Variants in TMEM65 observed in about 807,000 individuals in gnomAD.
TMEM65 encodes transmembrane protein 65.
Under a neutral mutation model 25.4 loss-of-function variants are expected in TMEM65, and 22 were observed. The observed-to-expected ratio is 0.86, with a 90% CI of 0.62 to 1.23. TMEM65 has a LOEUF of 1.23. Among genes scored for constraint, TMEM65 ranks in the 50% most tolerant of loss-of-function variants. The probability of loss-of-function intolerance (pLI) is 0.00; values close to 1 mark genes in which losing one functional copy is unlikely to be tolerated. For missense variants in TMEM65, 262 were observed against 308.2 expected, an observed-to-expected ratio of 0.85 and a Z score of 1.12; for synonymous variants, 132 against 126.2, an observed-to-expected ratio of 1.05 and a Z score of -0.31.
intron 3 of TMEM65, among the ~76,000 whole-genome samples, chr8:124,323,691 A>C (rs1371470816): frequency 2.6e-5 from 4 of 152,074 alleles, no homozygotes; most frequent in Non-Finnish European, 5.9e-5. Context: ...AATGCTTTAA[A>C]GCTCTTTGAA....
intron 3 of TMEM65, among the ~76,000 whole-genome samples, chr8:124,326,629 A>G (rs1814368904): frequency 6.6e-6 from 1 of 152,084 alleles, no homozygotes; most frequent in Non-Finnish European, 1.5e-5. Context: ...GCTGTAGCTA[A>G]CACTTGGTAT....
At chr8:124,350,437 A>T (rs1013477807) in intron 1 of TMEM65, among the ~76,000 whole-genome samples, 7 of 147,770 alleles carry the variant, frequency 4.7e-5, no homozygotes, top group African/African-American at 1.5e-4. Flanking sequence ...CTCTTTCATA[A>T]CATACCCCTA....
chr8:124,324,729 T>C (rs2131199451), intron 3 of TMEM65, among the ~76,000 whole-genome samples: 1 of 152,196 alleles, frequency 6.6e-6, no homozygotes, highest in African/African-American at 2.4e-5. Context: ...CTGAAGGTCC[T>C]TCTAACAGCA....
chr8:124,327,248 C>A, intron 3 of TMEM65, 106 bp downstream of exon 3: 1 of 718,046 alleles, frequency 1.4e-6, no homozygotes, highest in South Asian at 1.8e-5. Flanking sequence ...TATCCTTGTT[C>A]ATTATGATAT....
intron 1 of TMEM65, among the ~76,000 whole-genome samples, chr8:124,354,643 A>G (rs1038728679): frequency 6.6e-6 from 1 of 152,168 alleles, no homozygotes; most frequent in African/African-American, 2.4e-5. Flanking sequence ...AGACAACACA[A>G]AAGTGTCATC....
intron 1 of TMEM65, among the ~76,000 whole-genome samples, chr8:124,371,402 A>C (rs986759462): frequency 1.2e-4 from 18 of 152,286 alleles, no homozygotes; most frequent in African/African-American, 4.3e-4. Context: ...CCGTTCAAAA[A>C]GTTTCTTCCT....
At chr8:124,354,400 T>C (rs1425934247) in intron 1 of TMEM65, among the ~76,000 whole-genome samples, 1 of 152,192 alleles carries the variant, frequency 6.6e-6, no homozygotes, top group African/African-American at 2.4e-5. Flanking sequence ...TGTTCTTGTT[T>C]ATAGGAAATC....
At chr8:124,323,283 T>C (rs369619365) in intron 4 of TMEM65, 38 bp downstream of exon 4, 17 of 1,144,024 alleles carry the variant, frequency 1.5e-5, no homozygotes, top group Admixed American at 6.6e-5. Context: ...GTTTTATAAG[T>C]GTACAATGAA....
chr8:124,319,573 C>T (rs1814280551), intron 6 of TMEM65, among the ~76,000 whole-genome samples: 1 of 151,908 alleles, frequency 6.6e-6, no homozygotes, highest in Non-Finnish European at 1.5e-5. Context: ...ATGCTTGGAA[C>T]TCCTCTTATT....
At chr8:124,322,489 C>T (rs1586457250) in intron 4 of TMEM65, among the ~76,000 whole-genome samples, 1 of 152,124 alleles carries the variant, frequency 6.6e-6, no homozygotes, top group East Asian at 1.9e-4. Context: ...TCAAGAAAGT[C>T]AAGGAGAAAA....
chr8:124,333,324 T>A (rs888103791), intron 1 of TMEM65, among the ~76,000 whole-genome samples: 2 of 152,096 alleles, frequency 1.3e-5, no homozygotes, highest in South Asian at 2.1e-4. Flanking sequence ...TATTTCCATA[T>A]ATATATATTT....
intron 1 of TMEM65, among the ~76,000 whole-genome samples, chr8:124,334,481 TG>T (rs1254163680): frequency 6.6e-6 from 1 of 151,994 alleles, no homozygotes; most frequent in African/African-American, 2.4e-5. Flanking sequence ...TAAAATTAGC[TG>T]GGGCTGGGCA....
Position 124,311,616 on chromosome 8 carries a change from T to C in TMEM65, c.*2344A>G, listed in dbSNP as rs1814162062. On this transcript the variant is annotated 3_prime_UTR_variant, in exon 7 of 7. Coordinates refer to ENST00000297632, the MANE Select transcript of TMEM65 (RefSeq NM_194291.3). ...AGTAGCTAATATGAGAAACAAACAG[T>C]TCCAGTTTCAACCTAAATTAAAGTT... The C allele has an allele frequency of 6.6e-6, 1 of 152,424 alleles. No homozygotes were observed. Among genetic ancestry groups the C allele is most frequent in the Non-Finnish European group, 1.5e-5 (1 of 67,996 alleles). The allele number at this position is 152,424 out of a possible 1,614,324, so 9.4% of individuals were successfully genotyped here. A position where few individuals can be genotyped will look rare whatever the true frequency, so the allele number is the denominator to read the frequency against.
At position 124,307,564 on chromosome 8, in the gene TMEM65, T is replaced by G. The variant is rs1480300889; in HGVS notation, c.*6396A>C. On this transcript the variant is annotated 3_prime_UTR_variant, in exon 7 of 7. Transcript: ENST00000297632. ...ATTAAAAATGCAACTTTTATGTGGG[T>G]GCAGTATTGCTACAAGAAAGACGTA... 2 of 152,112 alleles carry G rather than the reference T, an allele frequency of 1.3e-5. No individual in the cohort carries two copies. Among genetic ancestry groups the G allele is most frequent in the Non-Finnish European group, 2.9e-5 (2 of 68,030 alleles). 9.4% of individuals were successfully genotyped at this position (152,112 alleles called of 1,614,324 possible).
chr8:124,330,008 T>A (rs1043760849), intron 2 of TMEM65, among the ~76,000 whole-genome samples: 6 of 151,956 alleles, frequency 3.9e-5, no homozygotes, highest in South Asian at 2.1e-4. Flanking sequence ...TAGGTTTTTT[T>A]AAAAATTATA....
chr8:124,352,161 A>C (rs1454913524), intron 1 of TMEM65, among the ~76,000 whole-genome samples: 1 of 152,198 alleles, frequency 6.6e-6, no homozygotes, highest in Non-Finnish European at 1.5e-5. Context: ...AGCTAGCAGC[A>C]AAGTTTGTAC....
At chr8:124,361,593 G>T (rs556056034) in intron 1 of TMEM65, among the ~76,000 whole-genome samples, 162 of 152,080 alleles carry the variant, frequency 1.1e-3, no homozygotes, top group African/African-American at 3.7e-3. Flanking sequence ...CAGCACTTTG[G>T]GAGCAGAGGC....
At chr8:124,347,756 G>A (rs1185072165) in intron 1 of TMEM65, among the ~76,000 whole-genome samples, 3 of 152,094 alleles carry the variant, frequency 2.0e-5, no homozygotes, top group Non-Finnish European at 4.4e-5. Context: ...ACAGGAGTTG[G>A]CCAGAAGCAA....
intron 6 of TMEM65, among the ~76,000 whole-genome samples, chr8:124,316,973 A>T (rs547600067): frequency 3.7e-4 from 56 of 152,102 alleles, no homozygotes; most frequent in African/African-American, 1.3e-3. Flanking sequence ...GTTTCTCCAC[A>T]CTCTTCCTAC....
Sources: gnomAD v4.1 joint callset for allele counts (sites outside exome capture counted in the v4.1 genomes callset) on GRCh38, gnomAD v4.1.1 for gene constraint, MANE v1.5 for transcripts, NCBI Gene and HGNC (gene_info 2026-07-23, HGNC 2026-07-21) for gene names.